LOC102723971: variants seen among roughly 807,000 people sequenced by gnomAD.
the LOC102723971 span, among the ~76,000 whole-genome samples, chr9:135,614,689 GCAGGGT>G: frequency 6.6e-6 from 1 of 152,176 alleles, no homozygotes; most frequent in African/African-American, 2.4e-5. Flanking sequence ...CAGGCAGGGA[GCAGGGT>G]CCCAGGGGAC....
At chr9:135,619,518 C>G in the LOC102723971 span, among the ~76,000 whole-genome samples, 1 of 152,122 alleles carries the variant, frequency 6.6e-6, no homozygotes, top group Non-Finnish European at 1.5e-5. Context: ...GAGGTGGCCT[C>G]CATGCTCCGT....
chr9:135,618,569 G>A, the LOC102723971 span, among the ~76,000 whole-genome samples: 2 of 152,008 alleles, frequency 1.3e-5, no homozygotes, highest in Non-Finnish European at 2.9e-5. Context: ...CAAGGTTTGA[G>A]GAGCATGACC....
chr9:135,617,934 C>T, the LOC102723971 span: 6 of 398,540 alleles, frequency 1.5e-5, no homozygotes, highest in Non-Finnish European at 2.2e-5. Flanking sequence ...TCACTGTCAG[C>T]CCCTCTGATT....
At chr9:135,618,890 T>C in the LOC102723971 span, 1 of 398,706 alleles carries the variant, frequency 2.5e-6, no homozygotes, top group Non-Finnish European at 4.4e-6. Flanking sequence ...AATGAATGAG[T>C]GAAGTCCTCA....
chr9:135,619,611 G>A, the LOC102723971 span, among the ~76,000 whole-genome samples: 21 of 152,098 alleles, frequency 1.4e-4, no homozygotes, highest in Admixed American at 4.6e-4. Flanking sequence ...GAAGCCCAGC[G>A]GGGCTGCCAG....
the LOC102723971 span, chr9:135,616,515 C>A: frequency 7.5e-6 from 3 of 398,168 alleles, no homozygotes; most frequent in Non-Finnish European, 1.3e-5. Flanking sequence ...GAGAGGGCCA[C>A]CACGTCCTGG....
the LOC102723971 span, among the ~76,000 whole-genome samples, chr9:135,615,854 C>T: frequency 1.6e-4 from 24 of 152,208 alleles, no homozygotes; most frequent in African/African-American, 3.9e-4. Flanking sequence ...GGGCCCACAC[C>T]CCTTCCGGCC....
the LOC102723971 span, among the ~76,000 whole-genome samples, chr9:135,619,432 C>CA: frequency 6.6e-6 from 1 of 152,054 alleles, no homozygotes; most frequent in African/African-American, 2.4e-5. Flanking sequence ...AACATGACCC[C>CA]ACGGAGGCTG....
the LOC102723971 span, chr9:135,618,799 G>A: frequency 3.9e-4 from 153 of 397,338 alleles, 1 homozygote; most frequent in East Asian, 5.2e-3. Context: ...AGCCAACATG[G>A]GGAGGCAGAA....
chr9:135,617,533 A>G, the LOC102723971 span, among the ~76,000 whole-genome samples: 1 of 150,324 alleles, frequency 6.7e-6, no homozygotes, highest in Non-Finnish European at 1.5e-5. Context: ...CGAGCCCAGG[A>G]TGGGGTGGGG....
At chr9:135,616,862 C>T in the LOC102723971 span, 2 of 398,386 alleles carry the variant, frequency 5.0e-6, no homozygotes, top group African/African-American at 2.1e-5. Flanking sequence ...GCCTGGGGGA[C>T]GGAGGAGAGA....
chr9:135,614,542 A>G, the LOC102723971 span, among the ~76,000 whole-genome samples: 2 of 152,146 alleles, frequency 1.3e-5, no homozygotes, highest in African/African-American at 4.8e-5. Flanking sequence ...CCTCCCGCGC[A>G]GCCAGCACCA....
chr9:135,615,310 C>G, the LOC102723971 span: 3 of 397,204 alleles, frequency 7.6e-6, no homozygotes, highest in Admixed American at 8.8e-5. Context: ...GAGGGAGTGC[C>G]ACACAGCCGG....
At chr9:135,617,852 C>T in the LOC102723971 span, 1 of 397,284 alleles carries the variant, frequency 2.5e-6, no homozygotes, top group Non-Finnish European at 4.4e-6. Context: ...ATGCCCAGGG[C>T]CTCTGCCTCC....
chr9:135,618,710 TGA>T, the LOC102723971 span, among the ~76,000 whole-genome samples: 1 of 151,298 alleles, frequency 6.6e-6, no homozygotes, highest in South Asian at 2.1e-4. Flanking sequence ...GATCCAAGGC[TGA>T]GAGGGGCAGT....
chr9:135,618,367 C>T, the LOC102723971 span, among the ~76,000 whole-genome samples: 12 of 152,174 alleles, frequency 7.9e-5, no homozygotes, highest in Admixed American at 2.0e-4. Context: ...AGCCTCTCCC[C>T]TCTGCTGCCT....
At chr9:135,619,885 AT>A in the LOC102723971 span, among the ~76,000 whole-genome samples, 1 of 16,112 alleles carries the variant, frequency 6.2e-5, no homozygotes, top group Non-Finnish European at 1.2e-4. Flanking sequence ...CTTCTCCCCA[AT>A]CTCCCCCGTC....
At chr9:135,616,461 C>T in the LOC102723971 span, 47 of 396,052 alleles carry the variant, frequency 1.2e-4, no homozygotes, top group African/African-American at 8.8e-4. Flanking sequence ...GACAGGAGGG[C>T]TCTCAGCTGG....
chr9:135,614,394 C>T, the LOC102723971 span: 42 of 345,710 alleles, frequency 1.2e-4, no homozygotes, highest in Admixed American at 1.5e-3. Flanking sequence ...CCTGGAACAA[C>T]GGCTTGAGTG....
Sources: allele counts gnomAD v4.1 joint callset (sites outside exome capture counted in the v4.1 genomes callset), GRCh38; gene constraint gnomAD v4.1.1; transcripts MANE v1.5.